SMCHD1: variants seen among roughly 807,000 people sequenced by gnomAD.
SMCHD1 encodes structural maintenance of chromosomes flexible hinge domain containing 1.
In SMCHD1, 78 loss-of-function variants were observed where a neutral mutation model predicts 254.7. That is an observed-to-expected ratio of 0.31 (90% CI 0.26 to 0.37). The LOEUF is 0.37. Ranked by LOEUF, SMCHD1 falls within the 10% of genes least tolerant of loss-of-function variation. SMCHD1 has a pLI of 1.00. For synonymous variants in SMCHD1, 766 were observed against 794.9 expected, an observed-to-expected ratio of 0.96 and a Z score of 0.61; for missense variants, 1,840 against 2,408.1, an observed-to-expected ratio of 0.76 and a Z score of 4.94.
intron 41 of SMCHD1, among the ~76,000 whole-genome samples, chr18:2,773,355 A>G (rs971984455): frequency 1.3e-5 from 2 of 152,210 alleles, no homozygotes; most frequent in Non-Finnish European, 2.9e-5. Context: ...TTCATCCAAT[A>G]CAAAATTCTT....
chr18:2,778,294 G>A (rs1041277811), intron 44 of SMCHD1, 55 bp downstream of exon 44: 2 of 1,250,618 alleles, frequency 1.6e-6, no homozygotes, highest in Non-Finnish European at 2.3e-6. Context: ...TGTGTATCAT[G>A]TCCATTTGAT....
intron 5 of SMCHD1, among the ~76,000 whole-genome samples, chr18:2,686,018 G>A: frequency 6.6e-6 from 1 of 151,992 alleles, no homozygotes; most frequent in East Asian, 1.9e-4. Context: ...GTGTAAATCT[G>A]TCCAGTATTG....
intron 34 of SMCHD1, among the ~76,000 whole-genome samples, chr18:2,759,347 A>AGGTTT (rs1301305783): frequency 6.6e-6 from 1 of 152,100 alleles, no homozygotes; most frequent in African/African-American, 2.4e-5. Context: ...GGTCTGCTTT[A>AGGTTT]GGTTTACCTG....
intron 22 of SMCHD1, 50 bp downstream of exon 22, chr18:2,726,574 A>G (rs1385135103): frequency 1.1e-6 from 1 of 935,708 alleles, no homozygotes; most frequent in Non-Finnish European, 1.5e-6. Context: ...TTCTTATGTT[A>G]AAGTATAATG....
intron 5 of SMCHD1, among the ~76,000 whole-genome samples, chr18:2,686,858 G>A (rs2074063642): frequency 6.6e-6 from 1 of 151,942 alleles, no homozygotes; most frequent in Non-Finnish European, 1.5e-5. Flanking sequence ...TATATATGAG[G>A]ATAGGACTTT....
At chr18:2,716,721 G>A (rs1412393583) in intron 17 of SMCHD1, among the ~76,000 whole-genome samples, 1 of 152,204 alleles carries the variant, frequency 6.6e-6, no homozygotes, top group Non-Finnish European at 1.5e-5. Flanking sequence ...GGTCGCTAGG[G>A]CTCCACAACC....
At chr18:2,682,123 T>A (rs2073944194) in intron 5 of SMCHD1, among the ~76,000 whole-genome samples, 1 of 152,130 alleles carries the variant, frequency 6.6e-6, no homozygotes, top group South Asian at 2.1e-4. Flanking sequence ...CTGATAGAGA[T>A]TGGTGGCCAG....
At chr18:2,753,112 T>C (rs1460377195) in intron 34 of SMCHD1, 2 of 156,570 alleles carry the variant, frequency 1.3e-5, no homozygotes, top group East Asian at 1.9e-4. Flanking sequence ...CACACACTCA[T>C]GTAGACACAC....
At chr18:2,802,396 C>T (rs555053482) in intron 47 of SMCHD1, 132 bp from the exon 48 acceptor site, 1 of 658,636 alleles carries the variant, frequency 1.5e-6, no homozygotes, top group African/African-American at 1.9e-5. Context: ...TTAATTAAAT[C>T]TGTTTATACC....
At chr18:2,672,102 C>T (rs1471631844) in intron 3 of SMCHD1, among the ~76,000 whole-genome samples, 1 of 152,156 alleles carries the variant, frequency 6.6e-6, no homozygotes. Context: ...GGAGTTATTA[C>T]CTTAGCCAGA....
At chr18:2,743,064 A>G (rs1406654274) in intron 28 of SMCHD1, among the ~76,000 whole-genome samples, 1 of 152,236 alleles carries the variant, frequency 6.6e-6, no homozygotes, top group East Asian at 1.9e-4. Context: ...GCAGAAATTT[A>G]AGATGAATAA....
intron 7 of SMCHD1, among the ~76,000 whole-genome samples, chr18:2,689,192 C>G (rs1375954404): frequency 1.4e-5 from 2 of 147,582 alleles, no homozygotes; most frequent in Non-Finnish European, 3.0e-5. Flanking sequence ...TCCTTCAACT[C>G]TTCTTTGTTT....
At chr18:2,700,709 C>A in intron 11 of SMCHD1, 26 bp from the exon 12 acceptor site, 1 of 1,605,044 alleles carries the variant, frequency 6.2e-7, no homozygotes, top group African/African-American at 1.3e-5. Flanking sequence ...AATTCTTTTA[C>A]TAACTAACAT....
intron 17 of SMCHD1, among the ~76,000 whole-genome samples, chr18:2,711,637 T>C (rs533093091): frequency 1.9e-4 from 28 of 150,944 alleles, no homozygotes; most frequent in Non-Finnish European, 3.4e-4. Flanking sequence ...CGCCCGCCAC[T>C]ACGCCCGGCT....
intron 45 of SMCHD1, among the ~76,000 whole-genome samples, chr18:2,785,423 C>T (rs891281215): frequency 6.6e-6 from 1 of 151,796 alleles, no homozygotes; most frequent in African/African-American, 2.4e-5. Flanking sequence ...CCGAGGTAGG[C>T]GGATCATGAG....
intron 25 of SMCHD1, among the ~76,000 whole-genome samples, chr18:2,733,984 T>C (rs910003322): frequency 2.6e-5 from 4 of 152,132 alleles, no homozygotes; most frequent in East Asian, 1.9e-4. Context: ...TATGTAGGAG[T>C]TGCTCTTCCA....
intron 17 of SMCHD1, among the ~76,000 whole-genome samples, chr18:2,708,914 T>TA (rs1568199382): frequency 0.064 from 3,272 of 51,052 alleles, 303 homozygotes; most frequent in South Asian, 0.13. Flanking sequence ...ATATAACATA[T>TA]TAACATGAAA....
intron 5 of SMCHD1, among the ~76,000 whole-genome samples, chr18:2,679,368 C>T (rs1444707909): frequency 1.0e-4 from 15 of 146,610 alleles, no homozygotes; most frequent in African/African-American, 3.7e-4. Context: ...CCCAGCTACT[C>T]GGGAGGTTGA....
chr18:2,753,333 G>T (rs2075611289), intron 34 of SMCHD1, among the ~76,000 whole-genome samples: 1 of 152,282 alleles, frequency 6.6e-6, no homozygotes, highest in Non-Finnish European at 1.5e-5. Flanking sequence ...CTGTATAGAA[G>T]TCCATTGTGT....
Sources: allele counts gnomAD v4.1 joint callset (sites outside exome capture counted in the v4.1 genomes callset), GRCh38; gene constraint gnomAD v4.1.1; transcripts MANE v1.5; gene names NCBI Gene and HGNC (gene_info 2026-07-23, HGNC 2026-07-21).